Variants in MACROD2 observed in about 807,000 individuals in gnomAD.
The protein encoded by MACROD2 is ADP-ribose glycohydrolase MACROD2.
Under a neutral mutation model 70.4 loss-of-function variants are expected in MACROD2, and 36 were observed. The ratio of observed to expected loss-of-function variants is 0.51; its 90% confidence interval spans 0.39 to 0.68. The LOEUF (loss-of-function observed/expected upper bound fraction) is 0.68, where lower values mean the gene tolerates loss of function less well. MACROD2 is among the 30% of genes least tolerant of loss of function. MACROD2 has a pLI of 0.00. For missense variants in MACROD2, 496 were observed against 538.4 expected (o/e 0.92, Z 0.78); for synonymous variants, 172 against 178.8 (o/e 0.96, Z 0.30).
intron 8 of MACROD2, among the ~76,000 whole-genome samples, chr20:15,648,023 G>A (rs770180602): frequency 6.6e-6 from 1 of 152,018 alleles, no homozygotes; most frequent in African/African-American, 2.4e-5. Context: ...TGTGCCCAGA[G>A]GACAACAGAC....
intron 6 of MACROD2, among the ~76,000 whole-genome samples, chr20:15,354,190 G>A (rs958701784): frequency 4.0e-4 from 61 of 152,118 alleles, no homozygotes; most frequent in Admixed American, 1.5e-3. Flanking sequence ...ATGAGTTCAT[G>A]TCCTTTGTAG....
chr20:15,029,981 C>G (rs944982454), intron 5 of MACROD2, among the ~76,000 whole-genome samples: 3 of 151,230 alleles, frequency 2.0e-5, no homozygotes, highest in African/African-American at 7.3e-5. Flanking sequence ...ACCCAGCTAC[C>G]CAGGAGGCTG....
At chr20:14,642,348 G>A (rs958536858) in intron 4 of MACROD2, among the ~76,000 whole-genome samples, 4 of 152,216 alleles carry the variant, frequency 2.6e-5, no homozygotes, top group African/African-American at 9.6e-5. Context: ...CAGCAGTAAA[G>A]GGCTGTTTCA....
intron 12 of MACROD2, among the ~76,000 whole-genome samples, chr20:15,947,244 A>T (rs2065837341): frequency 6.6e-6 from 1 of 152,084 alleles, no homozygotes; most frequent in South Asian, 2.1e-4. Context: ...CAGACCCTTC[A>T]CAGGTGTCGG....
intron 1 of MACROD2, among the ~76,000 whole-genome samples, chr20:14,001,139 G>A (rs1011846566): frequency 6.6e-6 from 1 of 152,138 alleles, no homozygotes; most frequent in Non-Finnish European, 1.5e-5. Flanking sequence ...TAATGGAGAT[G>A]TTTGTCTGAA....
At chr20:15,032,538 C>A (rs141949440) in intron 5 of MACROD2, among the ~76,000 whole-genome samples, 1 of 152,208 alleles carries the variant, frequency 6.6e-6, no homozygotes, top group Non-Finnish European at 1.5e-5. Flanking sequence ...ACACTTCACC[C>A]TGAACTATCC....
intron 3 of MACROD2, among the ~76,000 whole-genome samples, chr20:14,129,435 G>A (rs1024843436): frequency 6.6e-6 from 1 of 152,212 alleles, no homozygotes; most frequent in Non-Finnish European, 1.5e-5. Context: ...TTATGGATGA[G>A]CAAAGAAAGT....
chr20:15,915,121 T>A (rs2065294693), intron 10 of MACROD2, among the ~76,000 whole-genome samples: 1 of 152,166 alleles, frequency 6.6e-6, no homozygotes, highest in African/African-American at 2.4e-5. Context: ...AGGTTTTCTA[T>A]GGAGGTTCCG....
At chr20:14,124,511 C>T (rs1437256480) in intron 3 of MACROD2, among the ~76,000 whole-genome samples, 1 of 152,146 alleles carries the variant, frequency 6.6e-6, no homozygotes, top group African/African-American at 2.4e-5. Context: ...GAACTTGGTA[C>T]AATTGTTAGG....
chr20:14,105,706 C>T (rs1156292403), intron 3 of MACROD2, among the ~76,000 whole-genome samples: 1 of 152,170 alleles, frequency 6.6e-6, no homozygotes, highest in South Asian at 2.1e-4. Flanking sequence ...TCTTCCAACC[C>T]CAGACAGTGC....
intron 5 of MACROD2, among the ~76,000 whole-genome samples, chr20:15,194,560 C>A (rs1375440264): frequency 6.6e-6 from 1 of 151,952 alleles, no homozygotes; most frequent in Non-Finnish European, 1.5e-5. Flanking sequence ...TTAATCATTC[C>A]ATAACATCAA....
At chr20:15,002,231 G>A (rs1795035760) in intron 5 of MACROD2, among the ~76,000 whole-genome samples, 1 of 152,054 alleles carries the variant, frequency 6.6e-6, no homozygotes, top group Non-Finnish European at 1.5e-5. Flanking sequence ...ATTCCCACCA[G>A]CAGTGTAGAC....
chr20:15,127,905 C>G (rs950051537), intron 5 of MACROD2, among the ~76,000 whole-genome samples: 15 of 152,222 alleles, frequency 9.9e-5, no homozygotes, highest in African/African-American at 3.6e-4. Context: ...ACCAACCTCC[C>G]TCTACTTACA....
At chr20:14,456,713 CTTTTTTTTT>C in intron 3 of MACROD2, among the ~76,000 whole-genome samples, 1 of 101,132 alleles carries the variant, frequency 9.9e-6, no homozygotes, top group South Asian at 3.8e-4. Context: ...GACTCAGGAT[CTTTTTTTTT>C]TTTTTTTTTT....
At chr20:14,073,029 G>T in intron 2 of MACROD2, among the ~76,000 whole-genome samples, 1 of 151,846 alleles carries the variant, frequency 6.6e-6, no homozygotes, top group Non-Finnish European at 1.5e-5. Flanking sequence ...AGAGGGAAAT[G>T]TTTTTTATAA....
chr20:14,879,528 G>A (rs2073587593), intron 5 of MACROD2, among the ~76,000 whole-genome samples: 1 of 152,132 alleles, frequency 6.6e-6, no homozygotes, highest in African/African-American at 2.4e-5. Flanking sequence ...AAAATGGAGA[G>A]GCTATAGAGG....
chr20:15,027,557 T>C (rs6105358), intron 5 of MACROD2, among the ~76,000 whole-genome samples: 7 of 110,798 alleles, frequency 6.3e-5, no homozygotes, highest in African/African-American at 1.5e-4. Flanking sequence ...GTGGTGGTGG[T>C]GGGGGGAAAT....
At chr20:15,061,849 G>T (rs569582216) in intron 5 of MACROD2, among the ~76,000 whole-genome samples, 70 of 152,306 alleles carry the variant, frequency 4.6e-4, no homozygotes, top group Admixed American at 4.6e-3. Context: ...CCGGAGGATG[G>T]TAGGAAGGGG....
intron 5 of MACROD2, among the ~76,000 whole-genome samples, chr20:14,726,481 G>A (rs16994837): frequency 0.24 from 36,146 of 152,030 alleles, 4,506 homozygotes; most frequent in East Asian, 0.41. Flanking sequence ...TCTTATCTGA[G>A]CAAGTGTCGA....
Sources: gnomAD v4.1 joint callset for allele counts (sites outside exome capture counted in the v4.1 genomes callset) on GRCh38, gnomAD v4.1.1 for gene constraint, MANE v1.5 for transcripts, NCBI Gene and HGNC (gene_info 2026-07-23, HGNC 2026-07-21) for gene names.